Variants in RGPD2 observed in about 807,000 individuals in gnomAD.
RGPD2 encodes RANBP2 like and GRIP domain containing 2.
In RGPD2, 2 loss-of-function variants were observed where a neutral mutation model predicts 36.0. That is an observed-to-expected ratio of 0.06 (90% CI 0.02 to 0.17). The LOEUF is 0.17. Among genes scored for constraint, RGPD2 ranks in the 10% least tolerant of loss-of-function variants. The probability of loss-of-function intolerance (pLI) is 1.00; values close to 1 mark genes in which losing one functional copy is unlikely to be tolerated. For missense variants in RGPD2, 40 were observed against 464.3 expected (o/e 0.09, Z 8.40); for synonymous variants, 19 against 163.8 (o/e 0.12, Z 6.75).
At chr2:87,985,697 C>T in the RGPD2 span, 2 of 1,509,682 alleles carry the variant, frequency 1.3e-6, no homozygotes, top group East Asian at 2.3e-5. Flanking sequence ...AACAGAATAA[C>T]TCATAAAGAA....
At chr2:87,913,434 C>T in the RGPD2 span, among the ~76,000 whole-genome samples, 38 of 151,820 alleles carry the variant, frequency 2.5e-4, no homozygotes, top group Middle Eastern at 0.014. Context: ...GGGAGATATA[C>T]CTAATGCTAA....
the RGPD2 span, among the ~76,000 whole-genome samples, chr2:87,929,475 T>TGTG: frequency 3.7e-3 from 550 of 147,478 alleles, 8 homozygotes; most frequent in East Asian, 0.026. Flanking sequence ...TTTGTTTTTT[T>TGTG]TGTGTGTGTG....
chr2:87,935,301 AAG>A, the RGPD2 span, among the ~76,000 whole-genome samples: 1 of 151,122 alleles, frequency 6.6e-6, no homozygotes, highest in South Asian at 2.1e-4. Context: ...AAAATAAACA[AAG>A]AGAGTATTCC....
At chr2:87,929,475 T>TTG in the RGPD2 span, among the ~76,000 whole-genome samples, 54 of 147,328 alleles carry the variant, frequency 3.7e-4, no homozygotes, top group African/African-American at 8.8e-4. Context: ...TTTGTTTTTT[T>TTG]TGTGTGTGTG....
the RGPD2 span, among the ~76,000 whole-genome samples, chr2:87,834,240 C>T: frequency 3.1e-4 from 46 of 150,796 alleles, no homozygotes; most frequent in Non-Finnish European, 5.0e-4. Context: ...TCTAAGAAAA[C>T]CTTCAATTTA....
chr2:87,922,941 T>A, the RGPD2 span, among the ~76,000 whole-genome samples: 1 of 152,062 alleles, frequency 6.6e-6, no homozygotes, highest in Non-Finnish European at 1.5e-5. Context: ...TTATCTTTTT[T>A]TCTTTTTTTT....
At chr2:87,955,030 G>A in the RGPD2 span, among the ~76,000 whole-genome samples, 1 of 39,254 alleles carries the variant, frequency 2.5e-5, no homozygotes, top group Non-Finnish European at 4.8e-5. Context: ...TGTTTGAGAC[G>A]GAGTCTCGCT....
chr2:87,805,822 T>C (rs1685929086), intron 7 of RGPD2, among the ~76,000 whole-genome samples: 1 of 150,696 alleles, frequency 6.6e-6, no homozygotes, highest in African/African-American at 2.4e-5. Flanking sequence ...ATCGTGCCAC[T>C]GCACTCCAGC....
At chr2:87,824,785 CGAGGCCGAG>C (rs1278236748) in intron 1 of RGPD2, among the ~76,000 whole-genome samples, 1,070 of 28,126 alleles carry the variant, frequency 0.038, 7 homozygotes, top group East Asian at 0.069. Flanking sequence ...AGGCCGAGGC[CGAGGCCGAG>C]GCCGCCGCCG....
At chr2:87,863,702 G>A in the RGPD2 span, among the ~76,000 whole-genome samples, 3 of 151,714 alleles carry the variant, frequency 2.0e-5, no homozygotes, top group Non-Finnish European at 4.4e-5. Context: ...ATACGTGTGT[G>A]TGTGTGTGTG....
the RGPD2 span, among the ~76,000 whole-genome samples, chr2:87,910,000 GT>G: frequency 7.4e-4 from 70 of 94,504 alleles, no homozygotes; most frequent in African/African-American, 2.7e-3. Context: ...GATGAGTCCT[GT>G]CTCTGTTCCC....
the RGPD2 span, among the ~76,000 whole-genome samples, chr2:87,883,580 A>C: frequency 2.6e-5 from 4 of 151,906 alleles, no homozygotes; most frequent in Non-Finnish European, 5.9e-5. Flanking sequence ...GACTCATCTC[A>C]ACCTAAAGGC....
At chr2:87,849,242 C>CA in the RGPD2 span, among the ~76,000 whole-genome samples, 1 of 148,662 alleles carries the variant, frequency 6.7e-6, no homozygotes, top group African/African-American at 2.5e-5. Flanking sequence ...AATGATAATA[C>CA]AAATTTACAA....
the RGPD2 span, among the ~76,000 whole-genome samples, chr2:87,882,975 G>GTTCT: frequency 2.6e-5 from 4 of 151,600 alleles, no homozygotes; most frequent in Non-Finnish European, 5.9e-5. Context: ...GTTGTAACAG[G>GTTCT]TTCTTAGTGG....
chr2:87,844,550 T>A, the RGPD2 span, among the ~76,000 whole-genome samples: 1 of 149,136 alleles, frequency 6.7e-6, no homozygotes, highest in African/African-American at 2.4e-5. Context: ...TTAAAATAAT[T>A]TCACGTAATT....
At chr2:87,957,831 A>T in the RGPD2 span, among the ~76,000 whole-genome samples, 1 of 152,296 alleles carries the variant, frequency 6.6e-6, no homozygotes, top group Non-Finnish European at 1.5e-5. Context: ...TGTTTGCTGG[A>T]GCTTTGCACA....
At chr2:87,957,368 A>AT in the RGPD2 span, among the ~76,000 whole-genome samples, 1 of 25,390 alleles carries the variant, frequency 3.9e-5, no homozygotes, top group Non-Finnish European at 1.2e-4. Context: ...CAGAAAGAGA[A>AT]CCTTTCCAGA....
At chr2:87,815,036 A>G (rs1359937294) in intron 4 of RGPD2, among the ~76,000 whole-genome samples, 1 of 115,696 alleles carries the variant, frequency 8.6e-6, no homozygotes, top group Admixed American at 8.7e-5. Flanking sequence ...AGAAGTAAAT[A>G]GCATGACTAC....
intron 6 of RGPD2, among the ~76,000 whole-genome samples, chr2:87,809,379 C>T (rs1221839865): frequency 2.0e-5 from 3 of 147,388 alleles, no homozygotes; most frequent in Admixed American, 6.8e-5. Flanking sequence ...AAAAATTAGC[C>T]AGGTGTGGGC....
Sources: gnomAD v4.1 joint callset for allele counts (sites outside exome capture counted in the v4.1 genomes callset) on GRCh38, gnomAD v4.1.1 for gene constraint, MANE v1.5 for transcripts, NCBI Gene and HGNC (gene_info 2026-07-23, HGNC 2026-07-21) for gene names.